RASEF: variants seen among roughly 807,000 people sequenced by gnomAD.
RASEF encodes ras and EF-hand domain-containing protein.
Under a neutral mutation model 90.1 loss-of-function variants are expected in RASEF, and 68 were observed. The observed-to-expected ratio is 0.75, with a 90% CI of 0.62 to 0.92. The LOEUF (loss-of-function observed/expected upper bound fraction) is 0.92, where lower values mean the gene tolerates loss of function less well. RASEF is among the 40% of genes least tolerant of loss of function. The pLI is 0.00. For synonymous variants in RASEF, 331 were observed against 345.2 expected, an observed-to-expected ratio of 0.96 and a Z score of 0.46; for missense variants, 949 against 937.2, an observed-to-expected ratio of 1.01 and a Z score of -0.16.
At chr9:83,161,673 G>A in the RASEF span, among the ~76,000 whole-genome samples, 2 of 98,226 alleles carry the variant, frequency 2.0e-5, no homozygotes, top group Admixed American at 2.1e-4. Context: ...CATGAGATTT[G>A]GGAGGGGACA....
At chr9:83,137,933 C>T in the RASEF span, among the ~76,000 whole-genome samples, 1 of 151,970 alleles carries the variant, frequency 6.6e-6, no homozygotes, top group Non-Finnish European at 1.5e-5. Context: ...AAAGGATTGA[C>T]TTCCTTGGTA....
intron 1 of RASEF, among the ~76,000 whole-genome samples, chr9:83,042,763 G>C (rs1252269382): frequency 6.6e-6 from 1 of 152,134 alleles, no homozygotes; most frequent in African/African-American, 2.4e-5. Flanking sequence ...CAGCCTCTGA[G>C]ACACCCCTGC....
At chr9:82,986,052 G>T (rs1301162925) in intron 16 of RASEF, among the ~76,000 whole-genome samples, 1 of 152,112 alleles carries the variant, frequency 6.6e-6, no homozygotes, top group Non-Finnish European at 1.5e-5. Flanking sequence ...AGGTAGAGAT[G>T]GTTCCAGAAG....
the RASEF span, among the ~76,000 whole-genome samples, chr9:83,076,126 C>T: frequency 6.6e-6 from 1 of 151,350 alleles, no homozygotes; most frequent in Non-Finnish European, 1.5e-5. Flanking sequence ...CGAGATGGCG[C>T]CACTGTACTA....
the RASEF span, among the ~76,000 whole-genome samples, chr9:83,102,803 C>G: frequency 8.0e-3 from 1,219 of 152,232 alleles, 16 homozygotes; most frequent in African/African-American, 0.028. Context: ...GTGATGAGGA[C>G]AGACGGGTAG....
chr9:83,102,639 G>A, the RASEF span, among the ~76,000 whole-genome samples: 2 of 152,146 alleles, frequency 1.3e-5, no homozygotes, highest in Non-Finnish European at 2.9e-5. Flanking sequence ...GGGAACGAGG[G>A]AAAAACGTGG....
the RASEF span, among the ~76,000 whole-genome samples, chr9:83,207,681 C>T: frequency 1.5e-5 from 2 of 137,454 alleles, no homozygotes; most frequent in African/African-American, 5.3e-5. Flanking sequence ...AATCTCAGCT[C>T]ACTGCAACCT....
chr9:83,009,210 T>C (rs1273865743), intron 6 of RASEF, among the ~76,000 whole-genome samples: 1 of 152,000 alleles, frequency 6.6e-6, no homozygotes, highest in Non-Finnish European at 1.5e-5. Flanking sequence ...TATATATAAA[T>C]ACGTGTCTGT....
the RASEF span, among the ~76,000 whole-genome samples, chr9:83,129,434 G>A: frequency 6.6e-6 from 1 of 151,494 alleles, no homozygotes; most frequent in African/African-American, 2.4e-5. Context: ...TCCATCACTA[G>A]TGTGAGAAAG....
chr9:83,213,682 T>C, the RASEF span, among the ~76,000 whole-genome samples: 99 of 152,270 alleles, frequency 6.5e-4, 1 homozygote, highest in Admixed American at 6.5e-3. Flanking sequence ...CTCCTCTAAA[T>C]GAAGAACTCT....
intron 16 of RASEF, among the ~76,000 whole-genome samples, chr9:82,986,393 A>G (rs1828712488): frequency 6.6e-6 from 1 of 152,184 alleles, no homozygotes; most frequent in South Asian, 2.1e-4. Context: ...TGTAATGTTA[A>G]ATTACAAGGC....
At chr9:83,111,152 G>C in the RASEF span, among the ~76,000 whole-genome samples, 1 of 152,146 alleles carries the variant, frequency 6.6e-6, no homozygotes, top group Non-Finnish European at 1.5e-5. Context: ...GGGGCAAAAA[G>C]AAAACTTCTA....
At chr9:82,987,327 A>G (rs1656089880) in intron 16 of RASEF, among the ~76,000 whole-genome samples, 1 of 152,226 alleles carries the variant, frequency 6.6e-6, no homozygotes. Context: ...CCATAATGCA[A>G]TAACAATAAA....
intron 1 of RASEF, among the ~76,000 whole-genome samples, chr9:83,026,665 G>A (rs182569083): frequency 2.0e-5 from 3 of 152,164 alleles, no homozygotes; most frequent in African/African-American, 7.2e-5. Context: ...GATCTGAGTG[G>A]GGACACAGCC....
chr9:82,991,337 C>T (rs2118391472), intron 15 of RASEF, among the ~76,000 whole-genome samples: 1 of 152,340 alleles, frequency 6.6e-6, no homozygotes, highest in East Asian at 1.9e-4. Context: ...TGTATTAGGA[C>T]TTCCCATCAT....
intron 8 of RASEF, among the ~76,000 whole-genome samples, chr9:83,005,016 T>C (rs1413247461): frequency 6.6e-6 from 1 of 152,170 alleles, no homozygotes; most frequent in East Asian, 1.9e-4. Context: ...TTATGACAAA[T>C]GCAGTCTGGG....
the RASEF span, among the ~76,000 whole-genome samples, chr9:83,184,926 C>T: frequency 2.0e-5 from 3 of 152,090 alleles, no homozygotes; most frequent in African/African-American, 4.8e-5. Flanking sequence ...AGTTCCGGAA[C>T]GTGCAGCATC....
At chr9:83,159,715 CAATTT>C in the RASEF span, among the ~76,000 whole-genome samples, 1 of 152,258 alleles carries the variant, frequency 6.6e-6, no homozygotes, top group East Asian at 1.9e-4. Context: ...AAAATAATCA[CAATTT>C]ATTATATGAG....
chr9:83,143,349 C>T, the RASEF span, among the ~76,000 whole-genome samples: 8 of 151,986 alleles, frequency 5.3e-5, no homozygotes, highest in Non-Finnish European at 4.4e-5. Context: ...GGTCTAATAT[C>T]CAGAATCTAT....
Sources: gnomAD v4.1 joint callset for allele counts (sites outside exome capture counted in the v4.1 genomes callset) on GRCh38, gnomAD v4.1.1 for gene constraint, MANE v1.5 for transcripts, NCBI Gene and HGNC (gene_info 2026-07-23, HGNC 2026-07-21) for gene names.